The following P2RY6 variants were observed in gnomAD, a reference collection of about 807,000 sequenced individuals.
P2RY6 encodes pyrimidinergic receptor P2Y6.
In P2RY6, 19 loss-of-function variants were observed where a neutral mutation model predicts 16.3. The observed-to-expected ratio is 1.16, with a 90% CI of 0.81 to 1.71. The LOEUF (loss-of-function observed/expected upper bound fraction) is 1.71. Among genes scored for constraint, P2RY6 ranks in the 40% most tolerant of loss-of-function variants. The pLI is 0.00. For synonymous variants in P2RY6, 184 were observed against 201.5 expected, an observed-to-expected ratio of 0.91 and a Z score of 0.74; for missense variants, 389 against 455.5, an observed-to-expected ratio of 0.85 and a Z score of 1.33.
In P2RY6 at chr11:73,275,623, C is replaced by T. The variant is rs367592999; in HGVS notation, c.-121+3157C>T. Among the ~76,000 whole-genome samples, 149 of 152,270 alleles carry T rather than the reference C, an allele frequency of 9.8e-4. 1 individual carries two copies. Among genetic ancestry groups the T allele is most frequent in the African/African-American group, 3.2e-3 (133 of 41,528 alleles). On this transcript the variant is annotated intron_variant, in intron 1 of 2. Transcript: ENST00000540124. ...TTCCTCATGCCTTCGCATTGTGGCC[C>T]GCCACGCTCCTGAGAAGGACACACC...
chr11:73,288,649 AC>A (rs747197845), intron 1 of P2RY6, among the ~76,000 whole-genome samples: 1 of 152,152 alleles, frequency 6.6e-6, no homozygotes, highest in Admixed American at 6.5e-5. Flanking sequence ...TCCAGGGGCA[AC>A]CCTGCTTCAG....
rs896601965 is a variant in P2RY6 at position 73,298,120 on chromosome 11, TA to T, written c.*616del. ...GGGAAGCATGGCTGGGGGGAGGGGG[TA>T]CACAGACAGTGCCCATGACCCAGTC... On this transcript the variant is annotated 3_prime_UTR_variant, in exon 3 of 3. Coordinates refer to ENST00000540124, the MANE Select transcript of P2RY6 (RefSeq NM_001277204.2). The T allele has an allele frequency of 4.8e-5, 8 of 166,688 alleles. No homozygotes were observed. Among genetic ancestry groups the T allele is most frequent in the African/African-American group, 1.9e-4 (8 of 41,028 alleles). 10.3% of individuals were successfully genotyped at this position (166,688 alleles called of 1,614,324 possible).
chr11:73,289,152 A>T (rs1864087360), intron 1 of P2RY6, among the ~76,000 whole-genome samples: 1 of 152,250 alleles, frequency 6.6e-6, no homozygotes, highest in Non-Finnish European at 1.5e-5. Flanking sequence ...GGATCTACGC[A>T]GCCTGAAGGG....
chr11:73,265,341 C>A (rs1271674562), intron 1 of P2RY6: 1 of 152,086 alleles, frequency 6.6e-6, no homozygotes, highest in African/African-American at 2.4e-5. Flanking sequence ...AGAGAAGCTG[C>A]TCCGAAATCT....
Position 73,287,487 on chromosome 11 carries a change from G to A in P2RY6, c.-120-8243G>A, listed in dbSNP as rs1034316518. 3.9e-5 allele frequency among the ~76,000 whole-genome samples: 6 copies of A among 152,202 alleles called. No individual in the cohort carries two copies. In the East Asian group the frequency reaches 5.8e-4, roughly 15 times the overall value. On this transcript the variant is annotated intron_variant, in intron 1 of 2. Coordinates refer to ENST00000540124, the MANE Select transcript of P2RY6 (RefSeq NM_001277204.2). ...CCCCAAAGGAAAATCAGAGGGCAGCGTCGTCATCATAAGAGGGGGTCTGGG... is the reference window on the plus strand; with the variant it reads ...CCCCAAAGGAAAATCAGAGGGCAGCATCGTCATCATAAGAGGGGGTCTGGG...
At chr11:73,291,751 G>A (rs1864257528) in intron 1 of P2RY6, among the ~76,000 whole-genome samples, 2 of 152,190 alleles carry the variant, frequency 1.3e-5, no homozygotes, top group Admixed American at 6.5e-5. Context: ...GGTAGAAGAT[G>A]AGCCACCCTG....
upstream of P2RY6, among the ~76,000 whole-genome samples, chr11:73,267,719 G>A (rs1398467426): frequency 2.6e-5 from 4 of 152,188 alleles, no homozygotes; most frequent in Admixed American, 6.6e-5. Flanking sequence ...TTGAGCTGGC[G>A]ACAAGCAGGA....
At chr11:73,276,275 G>A (rs1863533055) in intron 1 of P2RY6, among the ~76,000 whole-genome samples, 1 of 152,180 alleles carries the variant, frequency 6.6e-6, no homozygotes, top group African/African-American at 2.4e-5. Context: ...CTGCTAGTGA[G>A]AATGAAAAAG....
At chr11:73,284,297 C>T (rs1023672693) in intron 1 of P2RY6, among the ~76,000 whole-genome samples, 8 of 152,102 alleles carry the variant, frequency 5.3e-5, no homozygotes, top group African/African-American at 1.4e-4. Flanking sequence ...ATGAGGGACA[C>T]GAATTGACTT....
At chr11:73,284,005 A>T (rs1863866231) in intron 1 of P2RY6, among the ~76,000 whole-genome samples, 1 of 152,008 alleles carries the variant, frequency 6.6e-6, no homozygotes, top group Non-Finnish European at 1.5e-5. Context: ...ACACGGGTTT[A>T]TTTGGACAGT....
chr11:73,280,495 C>T (rs775257816), intron 1 of P2RY6, among the ~76,000 whole-genome samples: 4 of 152,194 alleles, frequency 2.6e-5, no homozygotes, highest in Non-Finnish European at 4.4e-5. Flanking sequence ...TACACTTGAC[C>T]ATTTCACTGC....
At chr11:73,265,942 G>A (rs555537119) in intron 1 of P2RY6, among the ~76,000 whole-genome samples, 12 of 152,324 alleles carry the variant, frequency 7.9e-5, no homozygotes, top group African/African-American at 2.4e-4. Flanking sequence ...TGCCTCATAG[G>A]TTATTTTTAG....
At chr11:73,296,445 A>G (rs1864484570) in intron 2 of P2RY6, 40 bp from the exon 3 acceptor site, 1 of 1,553,806 alleles carries the variant, frequency 6.4e-7, no homozygotes, top group African/African-American at 1.4e-5. Flanking sequence ...CTGGGTGGTG[A>G]GTGAGCATGT....
intron 1 of P2RY6, among the ~76,000 whole-genome samples, chr11:73,290,358 A>T (rs770029263): frequency 8.9e-6 from 1 of 112,506 alleles, no homozygotes; most frequent in Non-Finnish European, 2.0e-5. Context: ...AAAGAAAGAA[A>T]GAAAGAAGGA....
chr11:73,295,047 G>C (rs1428053704), intron 1 of P2RY6, among the ~76,000 whole-genome samples: 1 of 152,160 alleles, frequency 6.6e-6, no homozygotes. Flanking sequence ...TTTTCCATCT[G>C]TAAAATGGCA....
intron 1 of P2RY6, among the ~76,000 whole-genome samples, chr11:73,264,881 A>G (rs1863051895): frequency 6.6e-6 from 1 of 152,186 alleles, no homozygotes; most frequent in Non-Finnish European, 1.5e-5. Flanking sequence ...ACTGTGAGCA[A>G]TGGGTTAATG....
At chr11:73,267,176 T>G (rs1863132871) in intron 1 of P2RY6, among the ~76,000 whole-genome samples, 1 of 152,224 alleles carries the variant, frequency 6.6e-6, no homozygotes, top group African/African-American at 2.4e-5. Flanking sequence ...TGGCCCTGGC[T>G]TTGGCAGTCT....
At chr11:73,284,093 G>A (rs1398123268) in intron 1 of P2RY6, among the ~76,000 whole-genome samples, 1 of 152,076 alleles carries the variant, frequency 6.6e-6, no homozygotes, top group East Asian at 1.9e-4. Context: ...TGAGGGTATG[G>A]GGCTGACAAG....
At chr11:73,277,428 T>C (rs909954696) in intron 1 of P2RY6, among the ~76,000 whole-genome samples, 3 of 152,190 alleles carry the variant, frequency 2.0e-5, no homozygotes, top group African/African-American at 7.2e-5. Context: ...GAGATTCCGA[T>C]GCAAAAAGTA....
Sources: allele counts gnomAD v4.1 joint callset (sites outside exome capture counted in the v4.1 genomes callset), GRCh38; gene constraint gnomAD v4.1.1; transcripts MANE v1.5; gene names NCBI Gene and HGNC (gene_info 2026-07-23, HGNC 2026-07-21).